FAM110A: variants seen among roughly 807,000 people sequenced by gnomAD.
FAM110A encodes the protein protein FAM110A.
In FAM110A, 1 loss-of-function variant was observed where a neutral mutation model predicts 4.0. The observed-to-expected ratio is 0.25, with a 90% CI of 0.09 to 1.20. The LOEUF is 1.20. FAM110A is among the 50% of genes most tolerant of loss of function. The pLI is 0.50. For synonymous variants in FAM110A, 217 were observed against 196.8 expected (o/e 1.10, Z -0.86); for missense variants, 436 against 429.2 (o/e 1.02, Z -0.14).
chr20:844,222 G>T (rs1341465640), intron 1 of FAM110A, among the ~76,000 whole-genome samples: 1 of 152,188 alleles, frequency 6.6e-6, no homozygotes. Flanking sequence ...CCTACGCCCC[G>T]GTGCCAGCAC....
chr20:844,924 G>A lies in FAM110A; in HGVS notation c.120G>A (p.Pro40=), dbSNP rs773418881. The A allele has an allele frequency of 6.3e-7, 1 of 1,576,622 alleles. No individual in the cohort carries two copies. The highest frequency in any genetic ancestry group is 1.2e-5 in the South Asian group (1 of 86,430). ...CGGCAGATGGTGGAGCCCGGAAACC[G>A]AGCGCTGTGGAGCGCCTGGAGGCCG... is the stretch of plus-strand genomic sequence containing the variant. The part of the protein sequence containing the change: ...RGPADGGARK[P]SAVERLEADK... Residue 40 remains proline (P), a synonymous_variant, in exon 2 of 2, where the codon CCG becomes CCA. Coordinates refer to ENST00000381941, the MANE Select transcript of FAM110A (RefSeq NM_001042353.3).
rs1171106146 is a variant in FAM110A, at chr20:845,238, C to T, written c.434C>T (p.Pro145Leu). 1.3e-6 allele frequency: 2 copies of T among 1,522,976 alleles called. No individual in the cohort carries two copies. The highest frequency in any genetic ancestry group is 2.1e-5 in the Admixed American group (1 of 46,968). The allele number at this position is 1,522,976 out of a possible 1,614,324, so 94.3% of individuals were successfully genotyped here. The change falls in exon 2 of 2, where the codon CCG (proline) becomes CTG (leucine). Residue 145 changes from proline (P) to leucine (L), a missense_variant. Coordinates refer to ENST00000381941, the MANE Select transcript of FAM110A (RefSeq NM_001042353.3). The part of the protein sequence containing the change: ...RPPPATPPRP[P>L]PSTSAVRRVD... ...CCCCCAGCCACCCCTCCGCGACCGC[C>T]GCCCAGTACCTCTGCGGTCCGCCGG...
chr20:838,880 C>T (rs1182255470), intron 1 of FAM110A, among the ~76,000 whole-genome samples: 3 of 146,166 alleles, frequency 2.1e-5, no homozygotes, highest in African/African-American at 7.7e-5. Context: ...AGTGCAGTGG[C>T]TCAATCTCAG....
chr20:844,691 T>G lies in FAM110A; in HGVS notation c.-97-17T>G. 8.1e-7 allele frequency: 1 copy of G among 1,241,692 alleles called. No homozygotes were observed. Among genetic ancestry groups the G allele is most frequent in the Non-Finnish European group, 1.0e-6 (1 of 985,426 alleles). 76.9% of individuals were successfully genotyped at this position (1,241,692 alleles called of 1,614,324 possible). Reference sequence around the variant, plus strand: ...CGCGCTCGGCTTTTTTTTTTTTTTCTCTCTCCTTCCCTGCAGCAGTGGCCG... The same window carrying G: ...CGCGCTCGGCTTTTTTTTTTTTTTCGCTCTCCTTCCCTGCAGCAGTGGCCG... On this transcript the variant is annotated splice_polypyrimidine_tract_variant and intron_variant, in intron 1 of 1. Coordinates refer to ENST00000381941, the MANE Select transcript of FAM110A (RefSeq NM_001042353.3).
At chr20:843,134 C>T (rs913169579) in intron 1 of FAM110A, among the ~76,000 whole-genome samples, 2 of 152,022 alleles carry the variant, frequency 1.3e-5, no homozygotes, top group African/African-American at 4.8e-5. Context: ...TCAGGAGTGC[C>T]GGGGAGAAAC....
chr20:844,850 C>G lies in FAM110A; in HGVS notation c.46C>G (p.Leu16Val). 6.5e-7 allele frequency: 1 copy of G among 1,531,652 alleles called. No individual in the cohort carries two copies. Among genetic ancestry groups the G allele is most frequent in the Non-Finnish European group, 8.8e-7 (1 of 1,138,838 alleles). The allele number at this position is 1,531,652 out of a possible 1,614,324, so 94.9% of individuals were successfully genotyped here. The stretch of plus-strand genomic sequence containing the variant: ...CCCCGGAGCCCCGTCCGCCCCCGCC[C>G]TACCTTGCCGCCTGCGGACCAGGGT... ...LSPGAPSAPALPCRLRTRVPG... is the reference protein window; with the variant it reads ...LSPGAPSAPAVPCRLRTRVPG... Residue 16 changes from leucine to valine, a missense_variant, in exon 2 of 2, where the codon CTA becomes GTA. Leu to Val is a conservative substitution (Grantham distance 32). Coordinates refer to ENST00000381941, the MANE Select transcript of FAM110A (RefSeq NM_001042353.3).
intron 1 of FAM110A, chr20:839,720 G>A: frequency 7.8e-7 from 1 of 1,285,180 alleles, no homozygotes; most frequent in Non-Finnish European, 1.1e-6. Context: ...CAATCTCTGG[G>A]GGCAGATGAA....
chr20:842,984 C>T (rs1323471308), intron 1 of FAM110A, among the ~76,000 whole-genome samples: 1 of 151,246 alleles, frequency 6.6e-6, no homozygotes, highest in Admixed American at 6.6e-5. Context: ...AAATAGCCAA[C>T]CCCCGCCCCT....
intron 1 of FAM110A, chr20:839,670 G>A: frequency 4.9e-6 from 6 of 1,220,840 alleles, no homozygotes; most frequent in East Asian, 2.3e-5. Flanking sequence ...GTGTAGGGTG[G>A]CAGGAACAAT....
Position 845,244 on chromosome 20 carries a change from G to A in FAM110A, c.440G>A (p.Ser147Asn), listed in dbSNP as rs1980240947. The change falls in exon 2 of 2, where the codon AGT (serine) becomes AAT (asparagine). Residue 147 changes from serine (S) to asparagine (N), a missense_variant. By Grantham distance (46) the Ser-to-Asn change is conservative. Coordinates refer to ENST00000381941, the MANE Select transcript of FAM110A (RefSeq NM_001042353.3). ...GCCACCCCTCCGCGACCGCCGCCCAGTACCTCTGCGGTCCGCCGGGTGGAC... is the reference window on the plus strand; with the variant it reads ...GCCACCCCTCCGCGACCGCCGCCCAATACCTCTGCGGTCCGCCGGGTGGAC... The part of the protein sequence containing the change: ...PPATPPRPPP[S>N]TSAVRRVDVR... The A allele has an allele frequency of 2.0e-6, 3 of 1,517,644 alleles. No homozygotes were observed. The South Asian group carries it at 3.8e-5, about 19-fold the overall frequency. The allele number at this position is 1,517,644 out of a possible 1,614,324, so 94.0% of individuals were successfully genotyped here. A position where few individuals can be genotyped will look rare whatever the true frequency, so the allele number is the denominator to read the frequency against.
In FAM110A at chr20:843,126, A is replaced by G. The variant is rs925658814; in HGVS notation, c.-97-1582A>G. On this transcript the variant is annotated intron_variant, in intron 1 of 1. Coordinates refer to ENST00000381941, the MANE Select transcript of FAM110A (RefSeq NM_001042353.3). ...AAAGGAATAGTGCCGGGAGGGGGTCAGGAGTGCCGGGGAGAAACAGGACGT... is the reference window on the plus strand; with the variant it reads ...AAAGGAATAGTGCCGGGAGGGGGTCGGGAGTGCCGGGGAGAAACAGGACGT... Among the ~76,000 whole-genome samples, 17 of 152,184 alleles carry G rather than the reference A, an allele frequency of 1.1e-4. 1 individual carries two copies. The highest frequency in any genetic ancestry group is 4.1e-4 in the African/African-American group (17 of 41,446).
At chr20:839,338 T>G in intron 1 of FAM110A, 1 of 454,512 alleles carries the variant, frequency 2.2e-6, no homozygotes, top group Non-Finnish European at 4.2e-6. Flanking sequence ...TTAGTTAACA[T>G]TTTGTAGAGC....
intron 1 of FAM110A, chr20:839,457 G>C (rs201166333): frequency 2.2e-4 from 166 of 762,180 alleles, no homozygotes; most frequent in Non-Finnish European, 5.0e-5. Context: ...TTATTGAGGT[G>C]GCTGACCACG....
In FAM110A at chr20:839,960, C is replaced by A. The variant is rs1979793882; in HGVS notation, c.-97-4748C>A. 5 of 1,487,332 alleles carry A rather than the reference C, an allele frequency of 3.4e-6. No individual in the cohort carries two copies. In the East Asian group the frequency reaches 9.1e-5, roughly 27 times the overall value. 92.1% of individuals were successfully genotyped at this position (1,487,332 alleles called of 1,614,324 possible). A position where few individuals can be genotyped will look rare whatever the true frequency, so the allele number is the denominator to read the frequency against. On this transcript the variant is annotated intron_variant, in intron 1 of 1. Coordinates refer to ENST00000381941, the MANE Select transcript of FAM110A (RefSeq NM_001042353.3). Reference sequence around the variant, plus strand: ...GGAGTTCATGAATGGCAATCCGGTTCTTCTTAGGCATCAGCATCTTGGCAG... The same window carrying A: ...GGAGTTCATGAATGGCAATCCGGTTATTCTTAGGCATCAGCATCTTGGCAG...
chr20:835,198 C>CTATATA (rs1375050641), intron 1 of FAM110A, among the ~76,000 whole-genome samples: 167 of 138,728 alleles, frequency 1.2e-3, no homozygotes, highest in Middle Eastern at 3.8e-3. Context: ...CTCTCTCTCT[C>CTATATA]TCTATATATA....
chr20:839,720 GGGCAGATGAAGGTAATCAC>G (rs1262182287), intron 1 of FAM110A: 2 of 1,285,062 alleles, frequency 1.6e-6, no homozygotes, highest in Non-Finnish European at 2.3e-6. Flanking sequence ...CAATCTCTGG[GGGCAGATGAAGGTAATCAC>G]GGAGATACTG....
chr20:839,517 C>G, intron 1 of FAM110A: 1 of 1,021,008 alleles, frequency 9.8e-7, no homozygotes, highest in Admixed American at 1.7e-5. Context: ...TGACCCAGCC[C>G]CAGCCTCGGC....
chr20:844,558 T>G (rs1600016206), intron 1 of FAM110A, 150 bp from the exon 2 acceptor site: 1 of 441,904 alleles, frequency 2.3e-6, no homozygotes, highest in South Asian at 1.0e-4. Flanking sequence ...GCCCCGCAGC[T>G]GCTGCCTTGT....
At chr20:842,442 G>A (rs1979985062) in intron 1 of FAM110A, among the ~76,000 whole-genome samples, 1 of 152,192 alleles carries the variant, frequency 6.6e-6, no homozygotes, top group South Asian at 2.1e-4. Flanking sequence ...GGGAGGTGGC[G>A]GCCTGGGGGT....
Sources: allele counts gnomAD v4.1 joint callset (sites outside exome capture counted in the v4.1 genomes callset), GRCh38; gene constraint gnomAD v4.1.1; transcripts MANE v1.5; gene names NCBI Gene and HGNC (gene_info 2026-07-23, HGNC 2026-07-21).